VAC14: variants seen among roughly 807,000 people sequenced by gnomAD.
VAC14 encodes the protein VAC14 component of PIKFYVE complex, also known as protein VAC14 homolog.
A neutral mutation model predicts 85.3 loss-of-function variants in VAC14; 47 were observed. The observed-to-expected ratio is 0.55, with a 90% CI of 0.44 to 0.70. The LOEUF is 0.70. Among genes scored for constraint, VAC14 ranks in the 30% least tolerant of loss-of-function variants. The pLI, the probability that VAC14 is intolerant of heterozygous loss-of-function variation, is 0.00. For synonymous variants in VAC14, 447 were observed against 430.5 expected (o/e 1.04, Z -0.47); for missense variants, 861 against 1,004.3 (o/e 0.86, Z 1.93).
At chr16:70,799,522 C>T (rs547304092) in intron 1 of VAC14, among the ~76,000 whole-genome samples, 1 of 152,298 alleles carries the variant, frequency 6.6e-6, no homozygotes, top group South Asian at 2.1e-4. Flanking sequence ...CAGCAGTTGT[C>T]AACCGGGGCA....
At chr16:70,709,623 AGTT>A (rs1418624869) in intron 14 of VAC14, among the ~76,000 whole-genome samples, 1 of 152,152 alleles carries the variant, frequency 6.6e-6, no homozygotes, top group African/African-American at 2.4e-5. Context: ...CTGCAGCCAT[AGTT>A]CTGTAGCCTG....
rs2053519278 is a variant in VAC14 at position 70,687,637 on chromosome 16, T to C, written c.*291A>G. 1 of 312,810 alleles carries C rather than the reference T, an allele frequency of 3.2e-6. No homozygotes were observed. The allele number at this position is 312,810 out of a possible 1,614,324, so 19.4% of individuals were successfully genotyped here. A position where few individuals can be genotyped will look rare whatever the true frequency, so the allele number is the denominator to read the frequency against. On this transcript the variant is annotated 3_prime_UTR_variant, in exon 19 of 19. Transcript: ENST00000261776. ...GCAAGCTCTTTTTCCAAGAGGGTATTAGAAAGAGGTTGATTCCAGAGGATG... is the reference window on the plus strand; with the variant it reads ...GCAAGCTCTTTTTCCAAGAGGGTATCAGAAAGAGGTTGATTCCAGAGGATG...
chr16:70,772,194 G>A, intron 9 of VAC14, 22 bp from the exon 10 acceptor site: 4 of 1,611,710 alleles, frequency 2.5e-6, no homozygotes, highest in Non-Finnish European at 3.4e-6. Context: ...AGAGGAACAA[G>A]GGGTCATGAA....
intron 18 of VAC14, chr16:70,689,844 A>T (rs2053565828): frequency 3.0e-6 from 3 of 985,400 alleles, no homozygotes; most frequent in African/African-American, 3.5e-5. Context: ...ACCAGGTGCC[A>T]CTGCTCCAAG....
Position 70,762,100 on chromosome 16 carries a change from GTTTTTT to G in VAC14, c.1371+434_1371+439del, listed in dbSNP as rs1555523464. Among the ~76,000 whole-genome samples the G allele has an allele frequency of 1.9e-5, 2 of 104,104 alleles. No individual in the cohort carries two copies. The highest frequency in any genetic ancestry group is 3.7e-5 in the Non-Finnish European group (2 of 54,278). 68.3% of individuals were successfully genotyped at this position (104,104 alleles called of 152,430 possible). Reference sequence around the variant, plus strand: ...AGAAGAGTCCTCACTCCTAAAGTGAGTTTTTTTTTTTGTTTTTGTTTTTTTGAGACA... The same window carrying G: ...AGAAGAGTCCTCACTCCTAAAGTGAGTTTTTGTTTTTGTTTTTTTGAGACA... On this transcript the variant is annotated intron_variant, in intron 12 of 18. Coordinates refer to ENST00000261776, the MANE Select transcript of VAC14 (RefSeq NM_018052.5). This position sits in a 1 kb window ranked among gnomAD's most constrained non-coding sequence, Gnocchi z 4.1.
intron 18 of VAC14, chr16:70,689,775 AGT>A: frequency 2.0e-6 from 2 of 985,558 alleles, no homozygotes; most frequent in Non-Finnish European, 1.2e-6. Context: ...GGCTGTGGGC[AGT>A]GTTCTAGGCT....
At position 70,781,078 on chromosome 16, in the gene VAC14, G is replaced by A. The variant is rs191300843; in HGVS notation, c.947-139C>T. The A allele has an allele frequency of 1.8e-4, 216 of 1,202,372 alleles. 1 individual carries two copies. The African/African-American group carries it at 2.9e-3, about 16-fold the overall frequency. The allele number at this position is 1,202,372 out of a possible 1,614,324, so 74.5% of individuals were successfully genotyped here. A position where few individuals can be genotyped will look rare whatever the true frequency, so the allele number is the denominator to read the frequency against. Reference sequence around the variant, plus strand: ...TCATGGGGGTGGATCCCTCACAAATGGCTTGGTGCCCTCCCCATGGTACTG... The same window carrying A: ...TCATGGGGGTGGATCCCTCACAAATAGCTTGGTGCCCTCCCCATGGTACTG... On this transcript the variant is annotated intron_variant, in intron 8 of 18. Coordinates refer to ENST00000261776, the MANE Select transcript of VAC14 (RefSeq NM_018052.5).
At chr16:70,769,325 G>C (rs2033047625) in intron 10 of VAC14, 1 of 153,154 alleles carries the variant, frequency 6.5e-6, no homozygotes, top group Non-Finnish European at 1.5e-5. Context: ...TGGTGCCTTG[G>C]GCAAGCGGCG....
At chr16:70,722,290 G>A (rs892126404) in intron 14 of VAC14, among the ~76,000 whole-genome samples, 2 of 152,196 alleles carry the variant, frequency 1.3e-5, no homozygotes, top group Non-Finnish European at 2.9e-5. Flanking sequence ...GCAGGGTGGC[G>A]AGTGCCATCT....
At chr16:70,761,019 G>GTGTGT (rs2032319963) in intron 12 of VAC14, 2 of 276,632 alleles carry the variant, frequency 7.2e-6, no homozygotes, top group East Asian at 1.1e-4. Context: ...GTGTGTGTGT[G>GTGTGT]CATGGGGGGG....
intron 12 of VAC14, chr16:70,755,220 G>A (rs563223040): frequency 2.7e-4 from 93 of 347,098 alleles, no homozygotes; most frequent in African/African-American, 1.7e-3. Context: ...CTTCTGGACT[G>A]AGCCCTGGAG....
chr16:70,781,670 G>C (rs1423491531), intron 8 of VAC14, among the ~76,000 whole-genome samples, 199 bp downstream of exon 8: 2 of 152,146 alleles, frequency 1.3e-5, no homozygotes, highest in African/African-American at 4.8e-5. Context: ...ACCAGGCAAG[G>C]TGTGGGGACA....
Position 70,736,443 on chromosome 16 carries a change from A to G in VAC14, c.1529-4816T>C, listed in dbSNP as rs148648911. Among the ~76,000 whole-genome samples, 413 of 152,260 alleles carry G rather than the reference A, an allele frequency of 2.7e-3. 1 individual carries two copies. Among genetic ancestry groups the G allele is most frequent in the South Asian group, 0.012 (59 of 4,826 alleles). On this transcript the variant is annotated intron_variant, in intron 13 of 18. Coordinates refer to ENST00000261776, the MANE Select transcript of VAC14 (RefSeq NM_018052.5). ...TTCTGGCACAAATTCACAGTGCTCTATCAGGATGCTCTGAGGAAGAAGGGG... is the reference window on the plus strand; with the variant it reads ...TTCTGGCACAAATTCACAGTGCTCTGTCAGGATGCTCTGAGGAAGAAGGGG...
At chr16:70,755,648 C>G (rs535174380) in intron 12 of VAC14, among the ~76,000 whole-genome samples, 25 of 152,230 alleles carry the variant, frequency 1.6e-4, no homozygotes, top group Non-Finnish European at 2.8e-4. Context: ...CAGACTTCAG[C>G]TGGGGCCCTC....
chr16:70,723,524 G>C (rs2054348085), intron 14 of VAC14, among the ~76,000 whole-genome samples: 1 of 152,216 alleles, frequency 6.6e-6, no homozygotes, highest in Non-Finnish European at 1.5e-5. Flanking sequence ...AATTAATGAA[G>C]CTGCTGGAGT....
chr16:70,740,030 G>A (rs1361988958), intron 13 of VAC14, among the ~76,000 whole-genome samples: 2 of 151,284 alleles, frequency 1.3e-5, no homozygotes, highest in Non-Finnish European at 2.9e-5. Context: ...GTGTGATCTC[G>A]GCTCTCTGCA....
intron 1 of VAC14, among the ~76,000 whole-genome samples, chr16:70,798,785 C>T (rs879581579): frequency 6.6e-5 from 10 of 152,182 alleles, no homozygotes; most frequent in South Asian, 2.1e-4. Flanking sequence ...CTGTAGGCCA[C>T]GCTTTTGGGC....
At chr16:70,774,912 A>G (rs1024271591) in intron 9 of VAC14, among the ~76,000 whole-genome samples, 2 of 146,900 alleles carry the variant, frequency 1.4e-5, no homozygotes, top group Non-Finnish European at 3.0e-5. Flanking sequence ...TGCCCGGCTA[A>G]TTTTTTTTTT....
chr16:70,693,958 C>T (rs1310245362), intron 17 of VAC14, among the ~76,000 whole-genome samples: 1 of 152,206 alleles, frequency 6.6e-6, no homozygotes, highest in Admixed American at 6.5e-5. Context: ...CTGGCGCCCT[C>T]CAGAAGAGAC....
Sources: gnomAD v4.1 joint callset for allele counts (sites outside exome capture counted in the v4.1 genomes callset) on GRCh38, gnomAD v4.1.1 for gene constraint, Gnocchi (gnomAD v3.1) non-coding constraint, MANE v1.5 for transcripts, NCBI Gene and HGNC (gene_info 2026-07-23, HGNC 2026-07-21) for gene names.